TUSC3: variants seen among roughly 807,000 people sequenced by gnomAD.
TUSC3 encodes dolichyl-diphosphooligosaccharide--protein glycosyltransferase subunit TUSC3.
A neutral mutation model predicts 44.8 loss-of-function variants in TUSC3; 45 were observed. The observed-to-expected ratio is 1.00, with a 90% CI of 0.79 to 1.29. The LOEUF (loss-of-function observed/expected upper bound fraction) is 1.29. Among genes scored for constraint, TUSC3 ranks in the 50% most tolerant of loss-of-function variants. TUSC3 has a pLI of 0.00. For synonymous variants in TUSC3, 212 were observed against 152.9 expected, an observed-to-expected ratio of 1.39 and a Z score of -2.85; for missense variants, 519 against 437.9, an observed-to-expected ratio of 1.19 and a Z score of -1.65.
chr8:15,844,378 A>ATT, the TUSC3 span, among the ~76,000 whole-genome samples: 1 of 152,150 alleles, frequency 6.6e-6, no homozygotes, highest in Non-Finnish European at 1.5e-5. Context: ...TCAGTGATTA[A>ATT]TAAGCTAAGA....
intron 1 of TUSC3, among the ~76,000 whole-genome samples, chr8:15,433,885 T>A (rs1006486182): frequency 2.6e-4 from 40 of 152,200 alleles, no homozygotes; most frequent in African/African-American, 9.2e-4. Flanking sequence ...AAGCTATAAA[T>A]ATTTTATATA....
At chr8:15,826,932 C>G in the TUSC3 span, among the ~76,000 whole-genome samples, 84 of 152,226 alleles carry the variant, frequency 5.5e-4, no homozygotes, top group African/African-American at 2.0e-3. Context: ...GCTCTCAATC[C>G]TTGATTAAAT....
chr8:15,741,755 TTAAA>T (rs1310627477), intron 7 of TUSC3, among the ~76,000 whole-genome samples: 2 of 152,202 alleles, frequency 1.3e-5, no homozygotes, highest in Non-Finnish European at 2.9e-5. Context: ...AATTATTAGT[TTAAA>T]TATGTGTATT....
chr8:15,600,514 C>A (rs1413859675), intron 1 of TUSC3, among the ~76,000 whole-genome samples: 1 of 151,398 alleles, frequency 6.6e-6, no homozygotes, highest in Non-Finnish European at 1.5e-5. Context: ...ATTATTGTGA[C>A]CGTTAAATTT....
chr8:15,497,821 T>C (rs1468322861), intron 2 of TUSC3, among the ~76,000 whole-genome samples: 1 of 152,006 alleles, frequency 6.6e-6, no homozygotes, highest in African/African-American at 2.4e-5. Flanking sequence ...CTCAGCTCAC[T>C]GCAACCTCCG....
chr8:15,562,938 A>G (rs567424607), intron 1 of TUSC3, among the ~76,000 whole-genome samples: 1 of 152,262 alleles, frequency 6.6e-6, no homozygotes, highest in African/African-American at 2.4e-5. Flanking sequence ...TATTTGCCAT[A>G]TAAGGTAACA....
At chr8:15,747,741 C>T (rs1357379759) in intron 8 of TUSC3, among the ~76,000 whole-genome samples, 1 of 152,014 alleles carries the variant, frequency 6.6e-6, no homozygotes, top group Non-Finnish European at 1.5e-5. Context: ...TAACATATGT[C>T]CTCAGTTTCT....
intron 2 of TUSC3, among the ~76,000 whole-genome samples, chr8:15,631,030 A>G (rs776113995): frequency 1.3e-5 from 2 of 152,196 alleles, no homozygotes; most frequent in Non-Finnish European, 2.9e-5. Flanking sequence ...ATTTCTTCAT[A>G]GCCCTTAATT....
intron 1 of TUSC3, among the ~76,000 whole-genome samples, chr8:15,621,571 C>G (rs1805246780): frequency 6.8e-6 from 1 of 146,816 alleles, no homozygotes; most frequent in Non-Finnish European, 1.5e-5. Flanking sequence ...ATATATTTAA[C>G]TCAGACTGCA....
At chr8:15,527,340 C>T (rs992232541) in intron 2 of TUSC3, among the ~76,000 whole-genome samples, 3 of 152,094 alleles carry the variant, frequency 2.0e-5, no homozygotes, top group Admixed American at 6.6e-5. Flanking sequence ...CCTCCACCTC[C>T]CTAGTAGCTG....
At chr8:15,443,055 T>G (rs970366468) in intron 1 of TUSC3, among the ~76,000 whole-genome samples, 1 of 152,224 alleles carries the variant, frequency 6.6e-6, no homozygotes, top group Non-Finnish European at 1.5e-5. Context: ...AATCCTCAGC[T>G]GTTTTTGCTA....
At chr8:15,816,345 A>G in the TUSC3 span, among the ~76,000 whole-genome samples, 1 of 152,182 alleles carries the variant, frequency 6.6e-6, no homozygotes, top group East Asian at 1.9e-4. Flanking sequence ...ATACTGAGGA[A>G]ATAATGGAAG....
chr8:15,727,334 G>A (rs1480147321), intron 6 of TUSC3, among the ~76,000 whole-genome samples: 1 of 152,126 alleles, frequency 6.6e-6, no homozygotes, highest in Non-Finnish European at 1.5e-5. Context: ...CTTTTGGTGT[G>A]TGCCAGTAAT....
chr8:15,547,391 T>C (rs546834500), intron 1 of TUSC3, among the ~76,000 whole-genome samples: 14 of 151,860 alleles, frequency 9.2e-5, no homozygotes, highest in Non-Finnish European at 1.6e-4. Context: ...CTAGGAGTTT[T>C]ACAGTAAAAC....
At chr8:15,784,902 A>G in the TUSC3 span, among the ~76,000 whole-genome samples, 3 of 152,158 alleles carry the variant, frequency 2.0e-5, no homozygotes, top group East Asian at 5.8e-4. Flanking sequence ...AGTAGATTTT[A>G]AATATTCTCA....
At chr8:15,817,304 A>C in the TUSC3 span, among the ~76,000 whole-genome samples, 7 of 152,098 alleles carry the variant, frequency 4.6e-5, no homozygotes, top group East Asian at 1.4e-3. Context: ...ACCACCTTAG[A>C]ACTTTGATTT....
At chr8:15,608,055 G>A (rs1019977804) in intron 1 of TUSC3, among the ~76,000 whole-genome samples, 2 of 152,134 alleles carry the variant, frequency 1.3e-5, no homozygotes, top group African/African-American at 4.8e-5. Flanking sequence ...AACAATAAAT[G>A]CCAGAGTAGT....
chr8:15,744,021 A>G (rs1019100216), intron 8 of TUSC3, among the ~76,000 whole-genome samples: 3 of 152,208 alleles, frequency 2.0e-5, no homozygotes, highest in African/African-American at 4.8e-5. Flanking sequence ...CGTGACTTAG[A>G]TGAAGCTTCT....
At chr8:15,419,194 A>G (rs1799694414) in intron 1 of TUSC3, among the ~76,000 whole-genome samples, 1 of 152,134 alleles carries the variant, frequency 6.6e-6, no homozygotes, top group African/African-American at 2.4e-5. Flanking sequence ...AGGGAGAAAA[A>G]AGTCTTCTGT....
Sources: allele counts gnomAD v4.1 joint callset (sites outside exome capture counted in the v4.1 genomes callset), GRCh38; gene constraint gnomAD v4.1.1; transcripts MANE v1.5; gene names NCBI Gene and HGNC (gene_info 2026-07-23, HGNC 2026-07-21).